CHKA: variants seen among roughly 807,000 people sequenced by gnomAD.
The protein encoded by CHKA is CHETK-alpha.
CHKA carries 34 observed loss-of-function variants against 60.1 expected under a neutral mutation model. The ratio of observed to expected loss-of-function variants is 0.57; its 90% confidence interval spans 0.43 to 0.75. CHKA has a LOEUF of 0.75. Among genes scored for constraint, CHKA ranks in the 30% least tolerant of loss-of-function variants. The pLI is 0.00. For missense variants in CHKA, 563 were observed against 561.3 expected, an observed-to-expected ratio of 1.00 and a Z score of -0.03; for synonymous variants, 217 against 223.1, an observed-to-expected ratio of 0.97 and a Z score of 0.24.
At chr11:68,118,122 G>A (rs961551300) in intron 1 of CHKA, among the ~76,000 whole-genome samples, 2 of 152,118 alleles carry the variant, frequency 1.3e-5, no homozygotes, top group Non-Finnish European at 2.9e-5. Context: ...CAGATGCACT[G>A]GCACTCAGTG....
In CHKA at chr11:68,112,053, C is replaced by CAAAAA. The variant is rs754639082; in HGVS notation, c.350+8770_350+8774dup. Among the ~76,000 whole-genome samples the CAAAAA allele has an allele frequency of 8.6e-4, 18 of 20,908 alleles. 1 individual carries two copies. Among genetic ancestry groups the CAAAAA allele is most frequent in the South Asian group, 3.1e-3 (1 of 320 alleles). The allele number at this position is 20,908 out of a possible 152,430, so 13.7% of individuals were successfully genotyped here. A position where few individuals can be genotyped will look rare whatever the true frequency, so the allele number is the denominator to read the frequency against. The stretch of plus-strand genomic sequence containing the variant: ...GGGCAACAACAGCAAAACTCCGTCT[C>CAAAAA]AAAAAAAAAAAAAAAAAAAAAAAAA... On this transcript the variant is annotated intron_variant, in intron 1 of 11. Transcript: ENST00000265689.
intron 7 of CHKA, among the ~76,000 whole-genome samples, chr11:68,066,957 C>T (rs767931185): frequency 6.6e-6 from 1 of 152,182 alleles, no homozygotes; most frequent in Non-Finnish European, 1.5e-5. Flanking sequence ...GAGTGCCCTC[C>T]TGGTAAGAAA....
At chr11:68,082,884 T>C (rs1857031769) in intron 2 of CHKA, among the ~76,000 whole-genome samples, 1 of 152,220 alleles carries the variant, frequency 6.6e-6, no homozygotes, top group Non-Finnish European at 1.5e-5. Context: ...TGAAAAGATG[T>C]TACAGGTTAA....
chr11:68,101,672 AAAAG>A (rs912299835), intron 1 of CHKA, among the ~76,000 whole-genome samples: 1 of 152,124 alleles, frequency 6.6e-6, no homozygotes, highest in Non-Finnish European at 1.5e-5. Context: ...AAAGAAAAGA[AAAAG>A]AAAGAAATTT....
rs185674571 is a variant in CHKA at position 68,101,837 on chromosome 11, C to T, written c.351-4707G>A. Among the ~76,000 whole-genome samples the T allele has an allele frequency of 5.3e-5, 8 of 152,228 alleles. No homozygotes were observed. In the East Asian group the frequency reaches 9.6e-4, roughly 18 times the overall value. ...CCATACTGGCCAAGCGCGTGGCTGA[C>T]GCCTGTAATCCCAACACTTTGGGAG... On this transcript the variant is annotated intron_variant, in intron 1 of 11. Coordinates refer to ENST00000265689, the MANE Select transcript of CHKA (RefSeq NM_001277.3).
chr11:68,114,195 C>T (rs900388612), intron 1 of CHKA, among the ~76,000 whole-genome samples: 1 of 152,172 alleles, frequency 6.6e-6, no homozygotes, highest in African/African-American at 2.4e-5. Flanking sequence ...GTAACTCTCA[C>T]CATATGACCA....
chr11:68,081,329 C>A, intron 3 of CHKA, 75 bp downstream of exon 3: 1 of 1,237,042 alleles, frequency 8.1e-7, no homozygotes, highest in South Asian at 1.2e-5. Context: ...GAGGCACTGC[C>A]AAGCCCTGGA....
At chr11:68,120,781 C>A in intron 1 of CHKA, 47 bp downstream of exon 1, 5 of 1,054,864 alleles carry the variant, frequency 4.7e-6, no homozygotes, top group South Asian at 3.2e-5. Context: ...CGGCCCCGCC[C>A]CGCGTCACCT....
rs759031586 is a variant in CHKA, at chr11:68,070,711, T to C, written c.764+13A>G. On this transcript the variant is annotated intron_variant, in intron 5 of 11. Coordinates refer to ENST00000265689, the MANE Select transcript of CHKA (RefSeq NM_001277.3). ...GTAAAACTATGTTAGGACCAAGTGA[T>C]TTGACCACTTACTTTTCCATTGTGC... 6.2e-7 allele frequency: 1 copy of C among 1,607,514 alleles called. No homozygotes were observed. Among genetic ancestry groups the C allele is most frequent in the Admixed American group, 1.7e-5 (1 of 59,872 alleles).
chr11:68,070,867 A>AT lies in CHKA; in HGVS notation c.631-11_631-10insA. 1 of 1,604,650 alleles carries AT rather than the reference A, an allele frequency of 6.2e-7. No individual in the cohort carries two copies. Among genetic ancestry groups the AT allele is most frequent in the East Asian group, 2.2e-5 (1 of 44,642 alleles). On this transcript the variant is annotated splice_polypyrimidine_tract_variant and intron_variant, in intron 4 of 11. Transcript: ENST00000265689. ...TATCTAATCGCCGGCTCTGAAAAAG[A>AT]AAAGGGAGTTAAAAACTGACATTTA... is the stretch of plus-strand genomic sequence containing the variant.
At chr11:68,089,273 C>T (rs1378832273) in intron 2 of CHKA, among the ~76,000 whole-genome samples, 1 of 152,176 alleles carries the variant, frequency 6.6e-6, no homozygotes, top group Non-Finnish European at 1.5e-5. Context: ...ATAAAATACC[C>T]TCCCTCTAAG....
chr11:68,101,372 A>G lies in CHKA; in HGVS notation c.351-4242T>C, dbSNP rs142212077. Among the ~76,000 whole-genome samples the G allele has an allele frequency of 1.4e-4, 21 of 152,356 alleles. 1 individual carries two copies. The East Asian group carries it at 2.9e-3, about 21-fold the overall frequency. On this transcript the variant is annotated intron_variant, in intron 1 of 11. Transcript: ENST00000265689. ...GCATCCAAATTGGAAATGAAGTTAA[A>G]TTATCCCTGTTTGCAGACAACATGA...
chr11:68,078,535 T>C (rs1856865445), intron 3 of CHKA, among the ~76,000 whole-genome samples: 1 of 152,074 alleles, frequency 6.6e-6, no homozygotes, highest in Non-Finnish European at 1.5e-5. Context: ...AGAGAAGTGG[T>C]TGAGAATGGA....
chr11:68,056,677 C>A (rs1856027069), intron 11 of CHKA, among the ~76,000 whole-genome samples: 1 of 152,124 alleles, frequency 6.6e-6, no homozygotes, highest in African/African-American at 2.4e-5. Flanking sequence ...GGAATCCTTT[C>A]AGACCTCACC....
At chr11:68,055,883 T>TA (rs60275931) in intron 11 of CHKA, among the ~76,000 whole-genome samples, 2,728 of 140,296 alleles carry the variant, frequency 0.019, 39 homozygotes, top group Non-Finnish European at 0.029. Flanking sequence ...CGTCTCTACT[T>TA]AAAAAAAAAA....
chr11:68,095,739 A>C (rs1857491359), intron 2 of CHKA, among the ~76,000 whole-genome samples: 1 of 137,144 alleles, frequency 7.3e-6, no homozygotes, highest in African/African-American at 2.7e-5. Flanking sequence ...AAAAAACAAC[A>C]GGTATCAAAA....
intron 3 of CHKA, among the ~76,000 whole-genome samples, chr11:68,079,751 C>T (rs1258636784): frequency 6.6e-6 from 1 of 152,012 alleles, no homozygotes; most frequent in Non-Finnish European, 1.5e-5. Context: ...GATTTCATGG[C>T]GAGTTTGAGG....
At chr11:68,099,230 TTC>T (rs1857617340) in intron 1 of CHKA, among the ~76,000 whole-genome samples, 1 of 152,194 alleles carries the variant, frequency 6.6e-6, no homozygotes, top group Admixed American at 6.5e-5. Context: ...GATGAAAATG[TTC>T]TAAAACTGAC....
At chr11:68,066,871 C>T (rs1464082239) in intron 7 of CHKA, among the ~76,000 whole-genome samples, 2 of 152,204 alleles carry the variant, frequency 1.3e-5, no homozygotes, top group African/African-American at 4.8e-5. Flanking sequence ...AGCCAAACAC[C>T]ACCCTCAGCA....
Sources: gnomAD v4.1 joint callset for allele counts (sites outside exome capture counted in the v4.1 genomes callset) on GRCh38, gnomAD v4.1.1 for gene constraint, MANE v1.5 for transcripts, NCBI Gene and HGNC (gene_info 2026-07-23, HGNC 2026-07-21) for gene names.